The following BTBD9 variants were observed in gnomAD, a reference collection of about 807,000 sequenced individuals.
The protein encoded by BTBD9 is BTB/POZ domain-containing protein 9.
In BTBD9, 49 loss-of-function variants were observed where a neutral mutation model predicts 64.3. That is an observed-to-expected ratio of 0.76 (90% confidence interval 0.61 to 0.97). The LOEUF (loss-of-function observed/expected upper bound fraction) is 0.97, where lower values mean the gene tolerates loss of function less well. Ranked by LOEUF, BTBD9 falls within the 50% of genes least tolerant of loss-of-function variation. The probability of loss-of-function intolerance (pLI) is 0.00; values close to 1 mark genes in which losing one functional copy is unlikely to be tolerated. For synonymous variants in BTBD9, 260 were observed against 274.7 expected (o/e 0.95, Z 0.53); for missense variants, 598 against 762.1 (o/e 0.78, Z 2.53).
intron 6 of BTBD9, among the ~76,000 whole-genome samples, chr6:38,351,504 GTTGTTTTTTTTTTTT>G (rs1025037193): frequency 1.0e-5 from 1 of 96,696 alleles, no homozygotes; most frequent in Non-Finnish European, 2.0e-5. Context: ...TTTAATTGTT[GTTGTTTTTTTTTTTT>G]TTTTTTTTGA....
chr6:38,431,028 G>A (rs1035216492), intron 6 of BTBD9, among the ~76,000 whole-genome samples: 3 of 151,814 alleles, frequency 2.0e-5, no homozygotes, highest in African/African-American at 7.3e-5. Flanking sequence ...TTCTCATTTC[G>A]TTGTTGACTC....
rs1417155373 is a variant in BTBD9, at chr6:38,198,803, T to C, written c.1563-6206A>G. Among the ~76,000 whole-genome samples the C allele has an allele frequency of 2.0e-5, 3 of 152,288 alleles. No individual in the cohort carries two copies. The East Asian group carries it at 5.8e-4, about 29-fold the overall frequency. ...ATTTGTTTCCCATCAAATATATGTGTTATATATTAATTAATTAATACATGC... is the reference window on the plus strand; with the variant it reads ...ATTTGTTTCCCATCAAATATATGTGCTATATATTAATTAATTAATACATGC... On this transcript the variant is annotated intron_variant, in intron 9 of 10. Coordinates refer to ENST00000481247, the MANE Select transcript of BTBD9 (RefSeq NM_001099272.2).
chr6:38,422,628 T>C (rs943191102), intron 6 of BTBD9, among the ~76,000 whole-genome samples: 2 of 152,162 alleles, frequency 1.3e-5, no homozygotes, highest in Non-Finnish European at 2.9e-5. Flanking sequence ...AACAGGGATC[T>C]AACATTCTAA....
At chr6:38,293,790 C>T (rs1032507795) in intron 7 of BTBD9, among the ~76,000 whole-genome samples, 1 of 152,142 alleles carries the variant, frequency 6.6e-6, no homozygotes, top group African/African-American at 2.4e-5. Context: ...ACACGAAAAA[C>T]AATGGCAACA....
chr6:38,361,999 C>T (rs569693183), intron 6 of BTBD9, among the ~76,000 whole-genome samples: 35 of 152,202 alleles, frequency 2.3e-4, no homozygotes, highest in African/African-American at 8.2e-4. Context: ...CACACCTCCA[C>T]TTGCTTTTCT....
chr6:38,453,705 C>T (rs574588315), intron 6 of BTBD9, among the ~76,000 whole-genome samples: 41 of 152,284 alleles, frequency 2.7e-4, no homozygotes, highest in African/African-American at 8.7e-4. Flanking sequence ...CTTCAACATT[C>T]TCTTATGATC....
At position 38,292,797 on chromosome 6, in the gene BTBD9, G is replaced by A. The variant is rs142837106; in HGVS notation, c.1265-4336C>T. On this transcript the variant is annotated intron_variant, in intron 7 of 10. Transcript: ENST00000481247. ...CCTGGATGCATTGATTTTTTGAAGG[G>A]TTTTTCATGTCTCTATCTCCTTCAG... Among the ~76,000 whole-genome samples the A allele has an allele frequency of 6.0e-3, 915 of 152,190 alleles. 12 individuals are homozygous for A. The highest frequency in any genetic ancestry group is 0.018 in the African/African-American group (759 of 41,552).
At chr6:38,210,199 C>T (rs551049147) in intron 9 of BTBD9, among the ~76,000 whole-genome samples, 1 of 152,272 alleles carries the variant, frequency 6.6e-6, no homozygotes, top group Admixed American at 6.5e-5. Context: ...ATTAGCATTC[C>T]AAAGCTTGGC....
chr6:38,182,982 T>C (rs1227267536), intron 10 of BTBD9, among the ~76,000 whole-genome samples: 1 of 23,306 alleles, frequency 4.3e-5, no homozygotes, highest in Non-Finnish European at 2.2e-4. Context: ...AAAGGTCTTC[T>C]TTTTTTTTTT....
intron 6 of BTBD9, among the ~76,000 whole-genome samples, chr6:38,387,355 G>A (rs1365528986): frequency 1.3e-5 from 2 of 152,146 alleles, no homozygotes; most frequent in African/African-American, 2.4e-5. Context: ...TGGCCAACAT[G>A]GTGAAACCCC....
intron 7 of BTBD9, among the ~76,000 whole-genome samples, chr6:38,302,845 C>G (rs558701913): frequency 6.6e-6 from 1 of 152,086 alleles, no homozygotes; most frequent in Admixed American, 6.5e-5. Flanking sequence ...CATTCTAACT[C>G]AGGTGAAGTA....
At chr6:38,624,287 C>A (rs1179804279) in intron 1 of BTBD9, among the ~76,000 whole-genome samples, 13 of 152,210 alleles carry the variant, frequency 8.5e-5, no homozygotes, top group Non-Finnish European at 2.9e-5. Flanking sequence ...CCACCCCAGC[C>A]AGCAGCTGCA....
At chr6:38,381,829 G>A (rs985652682) in intron 6 of BTBD9, among the ~76,000 whole-genome samples, 4 of 151,868 alleles carry the variant, frequency 2.6e-5, no homozygotes, top group African/African-American at 9.7e-5. Context: ...ACACACGTAC[G>A]ACTGCAATCT....
Position 38,497,880 on chromosome 6 carries a change from C to A in BTBD9, c.1154+79720G>T, listed in dbSNP as rs6942253. Among the ~76,000 whole-genome samples the A allele has an allele frequency of 9.3e-3, 1,412 of 152,250 alleles. 20 individuals carry two copies. Among genetic ancestry groups the A allele is most frequent in the African/African-American group, 0.031 (1,283 of 41,526 alleles). ...TTAAGTCTTAATTAAGCAAGCTAGG[C>A]TACAGTCAAACTGCAAGCAACCCAC... On this transcript the variant is annotated intron_variant, in intron 6 of 10. Transcript: ENST00000481247.
rs140691810 is a variant in BTBD9, at chr6:38,224,108, G to A, written c.1563-31511C>T. Among the ~76,000 whole-genome samples, 3 of 152,196 alleles carry A rather than the reference G, an allele frequency of 2.0e-5. No homozygotes were observed. The East Asian group carries it at 5.8e-4, about 29-fold the overall frequency. The stretch of plus-strand genomic sequence containing the variant: ...AGCACCTGTAGTCCCAGCTACTTTG[G>A]GGGCTGAGGTGGGAGGATCACTTGA... On this transcript the variant is annotated intron_variant, in intron 9 of 10. Transcript: ENST00000481247.
intron 8 of BTBD9, among the ~76,000 whole-genome samples, chr6:38,272,072 C>T (rs1280043779): frequency 6.6e-6 from 1 of 152,100 alleles, no homozygotes; most frequent in African/African-American, 2.4e-5. Flanking sequence ...GATCAAGTGC[C>T]CAGGAGCTAC....
At chr6:38,465,042 C>T (rs1297039363) in intron 6 of BTBD9, among the ~76,000 whole-genome samples, 1 of 152,050 alleles carries the variant, frequency 6.6e-6, no homozygotes, top group Non-Finnish European at 1.5e-5. Context: ...GCAGCTCATG[C>T]CTATAATCCC....
At chr6:38,178,622 G>A (rs956976926) in intron 10 of BTBD9, among the ~76,000 whole-genome samples, 1 of 152,026 alleles carries the variant, frequency 6.6e-6, no homozygotes, top group African/African-American at 2.4e-5. Context: ...GAAGGAAGAG[G>A]CAGCCAAGCT....
intron 6 of BTBD9, among the ~76,000 whole-genome samples, chr6:38,546,860 GT>G (rs1203475080): frequency 6.6e-6 from 1 of 152,068 alleles, no homozygotes; most frequent in Non-Finnish European, 1.5e-5. Context: ...TAGAGATGGG[GT>G]TTCATCATGT....
Sources: allele counts gnomAD v4.1 joint callset (sites outside exome capture counted in the v4.1 genomes callset), GRCh38; gene constraint gnomAD v4.1.1; transcripts MANE v1.5; gene names NCBI Gene and HGNC (gene_info 2026-07-23, HGNC 2026-07-21).